The following ZDHHC17 variants were observed in gnomAD, a reference collection of about 807,000 sequenced individuals.
ZDHHC17 encodes the protein palmitoyltransferase ZDHHC17.
ZDHHC17 carries 40 observed loss-of-function variants against 90.3 expected under a neutral mutation model. The ratio of observed to expected loss-of-function variants is 0.44; its 90% CI spans 0.34 to 0.58. The LOEUF (loss-of-function observed/expected upper bound fraction) is 0.58. ZDHHC17 is among the 20% of genes least tolerant of loss of function. ZDHHC17 has a pLI of 0.01. For missense variants in ZDHHC17, 614 were observed against 780.8 expected (o/e 0.79, Z 2.55); for synonymous variants, 235 against 252.4 (o/e 0.93, Z 0.65).
At position 76,788,383 on chromosome 12, in the gene ZDHHC17, A is replaced by ATT. The variant is rs559183223; in HGVS notation, c.94-9050_94-9049insTT. ...GAAGAGAACTGAAAATATTTCATGA[A>ATT]TAGCACTAATAATTGTAGCAGTATT... On this transcript the variant is annotated intron_variant, in intron 1 of 16. Coordinates refer to ENST00000426126, the MANE Select transcript of ZDHHC17 (RefSeq NM_015336.4). Among the ~76,000 whole-genome samples, 53 of 152,324 alleles carry ATT rather than the reference A, an allele frequency of 3.5e-4. 2 individuals are homozygous for ATT. In the South Asian group the frequency reaches 0.01, roughly 29 times the overall value.
intron 1 of ZDHHC17, among the ~76,000 whole-genome samples, chr12:76,765,071 T>G (rs1271668260): frequency 1.3e-5 from 2 of 152,232 alleles, no homozygotes; most frequent in Admixed American, 6.5e-5. Context: ...CCTCCGAGTT[T>G]GTAGCTGAGC....
chr12:76,811,222 G>A lies in ZDHHC17; in HGVS notation c.543+1365G>A, dbSNP rs1953014964. Among the ~76,000 whole-genome samples, 3 of 152,278 alleles carry A rather than the reference G, an allele frequency of 2.0e-5. No individual in the cohort carries two copies. The South Asian group carries it at 6.2e-4, about 32-fold the overall frequency. On this transcript the variant is annotated intron_variant, in intron 5 of 16. Transcript: ENST00000426126. The stretch of plus-strand genomic sequence containing the variant: ...GAATACCAAGAGGCCAGGTTTATGG[G>A]GGGTCATCTGGAGAGCAACTGCTAT...
At chr12:76,795,629 A>G (rs917926046) in intron 1 of ZDHHC17, among the ~76,000 whole-genome samples, 1 of 152,186 alleles carries the variant, frequency 6.6e-6, no homozygotes, top group Non-Finnish European at 1.5e-5. Context: ...CCTTAACCCC[A>G]CTGAATATAG....
intron 5 of ZDHHC17, chr12:76,813,557 A>C (rs1953050490): frequency 7.5e-6 from 2 of 266,826 alleles, no homozygotes; most frequent in Non-Finnish European, 1.5e-5. Context: ...CATTTGAGAC[A>C]TATTCCTATT....
intron 10 of ZDHHC17, among the ~76,000 whole-genome samples, chr12:76,829,994 A>T (rs564152710): frequency 6.6e-6 from 1 of 152,300 alleles, no homozygotes; most frequent in South Asian, 2.1e-4. Flanking sequence ...CGACTGGCTA[A>T]TATACTTTTT....
chr12:76,793,768 C>T (rs770632675), intron 1 of ZDHHC17, among the ~76,000 whole-genome samples: 1 of 152,068 alleles, frequency 6.6e-6, no homozygotes, highest in South Asian at 2.1e-4. Flanking sequence ...GGAATTACTG[C>T]GTTCTTAAAA....
chr12:76,795,845 T>A (rs1952813442), intron 1 of ZDHHC17, among the ~76,000 whole-genome samples: 1 of 152,194 alleles, frequency 6.6e-6, no homozygotes, highest in South Asian at 2.1e-4. Context: ...GTGAACTATC[T>A]GCAGTATATT....
At chr12:76,813,433 CTA>C in intron 5 of ZDHHC17, 1 of 415,388 alleles carries the variant, frequency 2.4e-6, no homozygotes, top group Non-Finnish European at 4.8e-6. Flanking sequence ...GCATAACATT[CTA>C]TGACAGTATG....
intron 10 of ZDHHC17, among the ~76,000 whole-genome samples, chr12:76,839,843 G>C (rs1190549360): frequency 6.6e-6 from 1 of 152,184 alleles, no homozygotes; most frequent in Non-Finnish European, 1.5e-5. Flanking sequence ...CTGGAAAATA[G>C]TATAAAAGTG....
At chr12:76,840,670 G>T (rs140170626) in intron 10 of ZDHHC17, among the ~76,000 whole-genome samples, 2 of 152,064 alleles carry the variant, frequency 1.3e-5, no homozygotes, top group Non-Finnish European at 2.9e-5. Flanking sequence ...AAATTAGCTC[G>T]TCTAATCTAT....
intron 16 of ZDHHC17, 132 bp from the exon 17 acceptor site, chr12:76,850,715 G>T: frequency 3.0e-6 from 3 of 1,014,834 alleles, no homozygotes; most frequent in Non-Finnish European, 4.3e-6. Flanking sequence ...GTTATGAATT[G>T]GTTCCTTCTT....
intron 1 of ZDHHC17, among the ~76,000 whole-genome samples, chr12:76,795,606 G>A (rs1952810532): frequency 6.6e-6 from 1 of 152,148 alleles, no homozygotes; most frequent in African/African-American, 2.4e-5. Flanking sequence ...TGGCTTAGAA[G>A]TATTTTACTT....
intron 12 of ZDHHC17, chr12:76,845,480 T>A (rs1006670879): frequency 1.6e-5 from 4 of 245,844 alleles, no homozygotes; most frequent in African/African-American, 6.7e-5. Flanking sequence ...AGTTCCATTC[T>A]TAAGAGCATA....
chr12:76,772,709 ATTT>A (rs869240058), intron 1 of ZDHHC17, among the ~76,000 whole-genome samples: 1 of 105,494 alleles, frequency 9.5e-6, no homozygotes, highest in Non-Finnish European at 2.1e-5. Context: ...TAACTTTTGT[ATTT>A]TTTTTTTTTT....
intron 1 of ZDHHC17, among the ~76,000 whole-genome samples, chr12:76,787,687 T>TA (rs757961793): frequency 6.6e-6 from 1 of 152,034 alleles, no homozygotes; most frequent in Non-Finnish European, 1.5e-5. Context: ...ATGGTATTCT[T>TA]ACAGTATTCA....
intron 1 of ZDHHC17, among the ~76,000 whole-genome samples, chr12:76,787,994 T>A (rs1182595882): frequency 6.6e-6 from 1 of 152,182 alleles, no homozygotes; most frequent in African/African-American, 2.4e-5. Context: ...GAGGATTGCT[T>A]GAGCCCAGGA....
At chr12:76,783,594 C>T (rs1246585265) in intron 1 of ZDHHC17, among the ~76,000 whole-genome samples, 1 of 152,220 alleles carries the variant, frequency 6.6e-6, no homozygotes, top group Non-Finnish European at 1.5e-5. Context: ...AGAGCCAAAC[C>T]GTATCACCAT....
At chr12:76,834,213 AT>A (rs1565801731) in intron 10 of ZDHHC17, among the ~76,000 whole-genome samples, 1 of 152,066 alleles carries the variant, frequency 6.6e-6, no homozygotes, top group Non-Finnish European at 1.5e-5. Context: ...ATTTTTAAAA[AT>A]TTTTTCTCTG....
At chr12:76,850,035 T>G (rs141222688) in intron 16 of ZDHHC17, among the ~76,000 whole-genome samples, 36 of 152,270 alleles carry the variant, frequency 2.4e-4, no homozygotes, top group Middle Eastern at 3.4e-3. Flanking sequence ...CTTCTCTGCC[T>G]CAGCCTCCTG....
Sources: gnomAD v4.1 joint callset for allele counts (sites outside exome capture counted in the v4.1 genomes callset) on GRCh38, gnomAD v4.1.1 for gene constraint, MANE v1.5 for transcripts, NCBI Gene and HGNC (gene_info 2026-07-23, HGNC 2026-07-21) for gene names.